The following GMEB1 variants were observed in gnomAD, a reference collection of about 807,000 sequenced individuals.
GMEB1 encodes glucocorticoid modulatory element binding protein 1.
In GMEB1, 6 loss-of-function variants were observed where a neutral mutation model predicts 52.4. The ratio of observed to expected loss-of-function variants is 0.11; its 90% CI spans 0.06 to 0.23. The LOEUF (loss-of-function observed/expected upper bound fraction) is 0.23, where lower values mean the gene tolerates loss of function less well. Ranked by LOEUF, GMEB1 falls within the 10% of genes least tolerant of loss-of-function variation. The pLI is 1.00. For synonymous variants in GMEB1, 255 were observed against 244.9 expected (o/e 1.04, Z -0.38); for missense variants, 486 against 685.6 (o/e 0.71, Z 3.25).
intron 2 of GMEB1, among the ~76,000 whole-genome samples, chr1:28,686,500 G>A (rs1669647356): frequency 2.6e-5 from 4 of 151,758 alleles, no homozygotes; most frequent in South Asian, 4.2e-4. Flanking sequence ...GTGGTGGCAC[G>A]CGCCTGTAAT....
rs762357453 is a variant in GMEB1, at chr1:28,704,198, C to T, written c.737C>T (p.Thr246Ile). ...CTTATCCTTCTTGTGCCAGAGGACA[C>T]TTTGATGTTCTGGAAAGGAATAGCT... is the stretch of plus-strand genomic sequence containing the variant. ...KKDSEEISEDTLMFWKGIADV... is the reference protein window; with the variant it reads ...KKDSEEISEDILMFWKGIADV... The change falls in exon 8 of 10, where the codon ACT becomes ATT. Residue 246 changes from threonine to isoleucine, a missense_variant. Physicochemically the swap from Thr to Ile is moderately conservative, Grantham distance 89. Around this residue, in one of 5 missense-constraint regions of GMEB1, gnomAD observed 200 missense variants for 253.5 expected, o/e 0.79. Transcript: ENST00000373816. 6.2e-7 allele frequency: 1 copy of T among 1,610,394 alleles called. No homozygotes were observed. Among genetic ancestry groups the T allele is most frequent in the East Asian group, 2.2e-5 (1 of 44,610 alleles).
intron 9 of GMEB1, 86 bp downstream of exon 9, chr1:28,710,728 C>CT (rs11415888): frequency 0.36 from 241,818 of 672,600 alleles, 26,168 homozygotes; most frequent in East Asian, 0.59. Context: ...GTTGGGGTAA[C>CT]TTTTTTTTTT....
intron 9 of GMEB1, among the ~76,000 whole-genome samples, chr1:28,711,712 C>T (rs907625327): frequency 2.6e-5 from 4 of 152,206 alleles, no homozygotes; most frequent in Non-Finnish European, 5.9e-5. Context: ...ACCTCAGCCT[C>T]CCAAAGTGCT....
intron 8 of GMEB1, among the ~76,000 whole-genome samples, chr1:28,706,603 C>CAA (rs796827713): frequency 5.2e-5 from 5 of 96,898 alleles, no homozygotes; most frequent in African/African-American, 1.0e-4. Context: ...GAGTCCGTCT[C>CAA]AAAAAAAAAA....
chr1:28,688,706 A>AC (rs1168781481), intron 2 of GMEB1, among the ~76,000 whole-genome samples: 19 of 150,950 alleles, frequency 1.3e-4, no homozygotes, highest in African/African-American at 3.7e-4. Flanking sequence ...ACAAACAAAC[A>AC]CCCCCCCACC....
At chr1:28,693,219 A>ATTT (rs747525434) in intron 5 of GMEB1, among the ~76,000 whole-genome samples, 174 bp downstream of exon 5, 1 of 140,782 alleles carries the variant, frequency 7.1e-6, no homozygotes. Context: ...GACGAGATTG[A>ATTT]TTTTTTTTTT....
At chr1:28,684,125 T>C (rs1235199060) in intron 2 of GMEB1, among the ~76,000 whole-genome samples, 1 of 152,180 alleles carries the variant, frequency 6.6e-6, no homozygotes, top group Non-Finnish European at 1.5e-5. Context: ...CACTTTAGCC[T>C]CCTGAATAGC....
chr1:28,693,219 AT>A lies in GMEB1; in HGVS notation c.440+189del, dbSNP rs747525434. On this transcript the variant is annotated intron_variant, in intron 5 of 9. Coordinates refer to ENST00000373816, the MANE Select transcript of GMEB1 (RefSeq NM_001319674.2). ...TTAAAAATCCTGGGAGACGAGATTG[AT>A]TTTTTTTTTTTTTTCTGAGATGGAG... is the stretch of plus-strand genomic sequence containing the variant. 2.9e-3 allele frequency among the ~76,000 whole-genome samples: 401 copies of A among 140,662 alleles called. 1 individual carries two copies. Among genetic ancestry groups the A allele is most frequent in the Middle Eastern group, 7.3e-3 (2 of 274 alleles). 92.3% of individuals were successfully genotyped at this position (140,662 alleles called of 152,430 possible).
chr1:28,699,965 C>T (rs1213715845), intron 6 of GMEB1, among the ~76,000 whole-genome samples: 2 of 147,128 alleles, frequency 1.4e-5, no homozygotes, highest in Non-Finnish European at 3.0e-5. Flanking sequence ...GTCCCAGCTA[C>T]TAAGGAGACT....
chr1:28,671,877 G>T (rs1668901146), intron 1 of GMEB1, among the ~76,000 whole-genome samples: 1 of 152,000 alleles, frequency 6.6e-6, no homozygotes, highest in Non-Finnish European at 1.5e-5. Flanking sequence ...AGCACTTTGG[G>T]AGGTGGAGGC....
At chr1:28,693,992 G>GT (rs1275939734) in intron 5 of GMEB1, among the ~76,000 whole-genome samples, 1 of 151,686 alleles carries the variant, frequency 6.6e-6, no homozygotes, top group Non-Finnish European at 1.5e-5. Flanking sequence ...ATTTATATGA[G>GT]TATATACTAT....
Position 28,692,983 on chromosome 1 carries a change from G to C in GMEB1, c.378G>C (p.Leu126=), listed in dbSNP as rs1325486939. The part of the protein sequence containing the change: ...QLISPKHFVH[L]AGKSTLKDWK... The stretch of plus-strand genomic sequence containing the variant: ...TCAGCCCCAAGCACTTTGTTCATCT[G>C]GCTGGCAAGTCCACTCTGAAGGACT... The change falls in exon 5 of 10, where the codon CTG becomes CTC. Residue 126 remains leucine, a synonymous_variant. Transcript: ENST00000373816. 2.5e-6 allele frequency: 4 copies of C among 1,609,452 alleles called. No individual in the cohort carries two copies. Among genetic ancestry groups the C allele is most frequent in the Non-Finnish European group, 3.4e-6 (4 of 1,177,524 alleles).
rs755585281 is a variant in GMEB1, at chr1:28,714,543, G to T, written c.1462G>T (p.Val488Leu). Residue 488 changes from valine (V) to leucine (L), a missense_variant, in exon 10 of 10, where the codon GTG becomes TTG. By Grantham distance (32) the Val-to-Leu change is conservative. Coordinates refer to ENST00000373816, the MANE Select transcript of GMEB1 (RefSeq NM_001319674.2). ...CACCATGGTTAGCCCTGTGGAATTG[G>T]TGGCCATGGAGTCCGGCCTAACCTC... ...MTTMVSPVEL[V>L]AMESGLTSAI... The T allele has an allele frequency of 2.1e-5, 34 of 1,614,076 alleles. No homozygotes were observed. The highest frequency in any genetic ancestry group is 2.5e-5 in the Non-Finnish European group (30 of 1,180,046).
At chr1:28,709,338 T>A (rs1670937900) in intron 8 of GMEB1, among the ~76,000 whole-genome samples, 1 of 151,960 alleles carries the variant, frequency 6.6e-6, no homozygotes, top group South Asian at 2.1e-4. Context: ...ATAATAATCT[T>A]GCATGCCAGT....
rs1396047382 is a variant in GMEB1 at position 28,718,223 on chromosome 1, T to C, written c.*3450T>C. ...TTTAAGAACCATCTATGTGCCAGGC[T>C]TTGTGCTAGGCACTGACAGTAGAGA... is the stretch of plus-strand genomic sequence containing the variant. On this transcript the variant is annotated 3_prime_UTR_variant, in exon 10 of 10. Coordinates refer to ENST00000373816, the MANE Select transcript of GMEB1 (RefSeq NM_001319674.2). The C allele has an allele frequency of 6.6e-6, 1 of 152,258 alleles. No individual in the cohort carries two copies. The highest frequency in any genetic ancestry group is 1.5e-5 in the Non-Finnish European group (1 of 68,048). The allele number at this position is 152,258 out of a possible 1,614,324, so 9.4% of individuals were successfully genotyped here.
At chr1:28,671,493 C>T (rs1038407230) in intron 1 of GMEB1, among the ~76,000 whole-genome samples, 7 of 152,152 alleles carry the variant, frequency 4.6e-5, no homozygotes, top group Admixed American at 3.3e-4. Flanking sequence ...GACAGGCGGC[C>T]TCCCAAAGTG....
chr1:28,696,751 C>T (rs768332033), intron 5 of GMEB1, among the ~76,000 whole-genome samples, 176 bp from the exon 6 acceptor site: 2 of 151,972 alleles, frequency 1.3e-5, no homozygotes, highest in Non-Finnish European at 2.9e-5. Context: ...TGGGCAGGAC[C>T]AGTGAAAATT....
At chr1:28,687,695 A>G (rs1007994259) in intron 2 of GMEB1, among the ~76,000 whole-genome samples, 2 of 152,142 alleles carry the variant, frequency 1.3e-5, no homozygotes, top group Non-Finnish European at 2.9e-5. Context: ...ACTAGTCTAG[A>G]GATGATGAGG....
rs71027293 is a variant in GMEB1 at position 28,717,185 on chromosome 1, G to GTTTTTTTT, written c.*2421_*2428dup. On this transcript the variant is annotated 3_prime_UTR_variant, in exon 10 of 10. Coordinates refer to ENST00000373816, the MANE Select transcript of GMEB1 (RefSeq NM_001319674.2). ...AACCCTGTAACATGGTAAGGTTGCT[G>GTTTTTTTT]TTTTTTTTTTTTTTTTCTTTTTGAG... 2 of 139,208 alleles carry GTTTTTTTT rather than the reference G, an allele frequency of 1.4e-5. No homozygotes were observed. The highest frequency in any genetic ancestry group is 2.6e-5 in the African/African-American group (1 of 37,792). The allele number at this position is 139,208 out of a possible 1,614,324, so 8.6% of individuals were successfully genotyped here.
Sources: gnomAD v4.1 joint callset for allele counts (sites outside exome capture counted in the v4.1 genomes callset) on GRCh38, gnomAD v4.1.1 for gene constraint, gnomAD v4.1.1 regional missense constraint, MANE v1.5 for transcripts, NCBI Gene and HGNC (gene_info 2026-07-23, HGNC 2026-07-21) for gene names.